The following RYR1 variants were observed in gnomAD, a reference collection of about 807,000 sequenced individuals.
RYR1 encodes the protein central core disease of muscle.
In RYR1, 342 loss-of-function variants were observed where a neutral mutation model predicts 583.5. That is an observed-to-expected ratio of 0.59 (90% CI 0.54 to 0.64). The LOEUF (loss-of-function observed/expected upper bound fraction) is 0.64. Ranked by LOEUF, RYR1 falls within the 30% of genes least tolerant of loss-of-function variation. The probability of loss-of-function intolerance (pLI) is 0.00; values close to 1 mark genes in which losing one functional copy is unlikely to be tolerated. For synonymous variants in RYR1, 2,791 were observed against 2,822.5 expected (o/e 0.99, Z 0.35); for missense variants, 6,032 against 6,917.2 (o/e 0.87, Z 4.54).
At chr19:38,551,177 G>A (rs900817638) in intron 89 of RYR1, among the ~76,000 whole-genome samples, 10 of 150,846 alleles carry the variant, frequency 6.6e-5, no homozygotes, top group African/African-American at 2.0e-4. Flanking sequence ...CTCCCAAGTC[G>A]CTGGGATTAC....
chr19:38,529,154 T>A, intron 76 of RYR1, 97 bp downstream of exon 76: 1 of 1,234,404 alleles, frequency 8.1e-7, no homozygotes, highest in Non-Finnish European at 1.2e-6. Context: ...GCCCTCCAGG[T>A]CCTGGGGGAG....
At chr19:38,443,429 G>A (rs1042571754) in intron 3 of RYR1, 129 bp from the exon 4 acceptor site, 19 of 814,252 alleles carry the variant, frequency 2.3e-5, no homozygotes, top group Non-Finnish European at 3.5e-5. Context: ...AGCTGAGGCT[G>A]TTTTACCTCT....
At chr19:38,446,113 G>A (rs1972929326) in intron 7 of RYR1, among the ~76,000 whole-genome samples, 1 of 152,000 alleles carries the variant, frequency 6.6e-6, no homozygotes, top group Admixed American at 6.6e-5. Flanking sequence ...CTAGAACTCA[G>A]ACTCCAACAC....
At chr19:38,487,994 C>T (rs1367592577) in intron 34 of RYR1, among the ~76,000 whole-genome samples, 2 of 151,924 alleles carry the variant, frequency 1.3e-5, no homozygotes. Context: ...GGGTAATGCC[C>T]AGGCTAGAAT....
chr19:38,467,215 A>G (rs994469723), intron 24 of RYR1, among the ~76,000 whole-genome samples: 1 of 152,020 alleles, frequency 6.6e-6, no homozygotes, highest in Non-Finnish European at 1.5e-5. Context: ...CTTGGCCCCA[A>G]CCTGAATTTC....
chr19:38,497,970 T>TA (rs546898242), intron 42 of RYR1, among the ~76,000 whole-genome samples: 103 of 146,404 alleles, frequency 7.0e-4, no homozygotes, highest in Non-Finnish European at 1.1e-3. Flanking sequence ...CGAGACCCCT[T>TA]AAAAAAAAAA....
chr19:38,462,422 C>T (rs1260268490), intron 20 of RYR1, among the ~76,000 whole-genome samples: 1 of 152,090 alleles, frequency 6.6e-6, no homozygotes, highest in South Asian at 2.1e-4. Flanking sequence ...TGGGCCTCAC[C>T]CTGGATGCCT....
Position 38,451,862 on chromosome 19 carries a change from T to C in RYR1, c.1221T>C (p.Asn407=). Residue 407 remains asparagine (N), a synonymous_variant, in exon 12 of 106, where the codon AAT becomes AAC. Coordinates refer to ENST00000359596, the MANE Select transcript of RYR1 (RefSeq NM_000540.3). ...CCGCCCGCATGATCCACAGCACCAA[T>C]GGCCTATACAACCAGTTCATCAAGT... ...SQAARMIHST[N]GLYNQFIKSL... is the part of the protein sequence containing the mutation. The C allele has an allele frequency of 6.2e-7, 1 of 1,614,082 alleles. No individual in the cohort carries two copies. Among genetic ancestry groups the C allele is most frequent in the East Asian group, 2.2e-5 (1 of 44,866 alleles).
chr19:38,524,208 A>T (rs1402933951), intron 70 of RYR1, among the ~76,000 whole-genome samples: 4 of 149,330 alleles, frequency 2.7e-5, no homozygotes, highest in Non-Finnish European at 5.9e-5. Context: ...AAAAAAGAAA[A>T]AAAGAGCAAC....
intron 89 of RYR1, among the ~76,000 whole-genome samples, chr19:38,549,875 TTGTGTGTGTGTGTG>T (rs150566334): frequency 0.039 from 4,794 of 122,222 alleles, 311 homozygotes; most frequent in African/African-American, 0.14. Context: ...CCAGCTAAAT[TTGTGTGTGTGTGTG>T]TGTGTGTGTG....
chr19:38,568,362 C>T (rs985087606), intron 93 of RYR1, among the ~76,000 whole-genome samples: 91 of 152,220 alleles, frequency 6.0e-4, no homozygotes, highest in African/African-American at 2.0e-3. Context: ...TCATCCAGGC[C>T]AGGAAGAAGG....
chr19:38,455,754 C>T lies in RYR1; in HGVS notation c.1791+3C>T, dbSNP rs373480020. ...ACAAGCATGGGAGGAACCACAAGGT[C>T]GGCCCCTCACCCCTGACCTCTCATC... On this transcript the variant is annotated splice_donor_region_variant and intron_variant, in intron 16 of 105. Coordinates refer to ENST00000359596, the MANE Select transcript of RYR1 (RefSeq NM_000540.3). 2.5e-6 allele frequency: 4 copies of T among 1,574,330 alleles called. No individual in the cohort carries two copies. Among genetic ancestry groups the T allele is most frequent in the East Asian group, 2.2e-5 (1 of 44,682 alleles).
chr19:38,510,849 G>T, intron 60 of RYR1, 68 bp downstream of exon 60: 2 of 1,607,304 alleles, frequency 1.2e-6, no homozygotes, highest in South Asian at 1.1e-5. Context: ...GCCCATGGAG[G>T]CTCTGTCCTG....
intron 33 of RYR1, 24 bp from the exon 34 acceptor site, chr19:38,485,564 CTG>C (rs778262078): frequency 1.2e-6 from 2 of 1,605,996 alleles, no homozygotes; most frequent in East Asian, 4.5e-5. Context: ...TCATCTGTCC[CTG>C]TCTGTTTCCC....
chr19:38,452,781 G>A (rs765454880), intron 12 of RYR1, 38 bp from the exon 13 acceptor site: 7 of 1,538,246 alleles, frequency 4.6e-6, no homozygotes. Flanking sequence ...GGCAGTTAGC[G>A]CTCCCAGCCG....
chr19:38,511,738 G>C, intron 61 of RYR1, 128 bp downstream of exon 61: 4 of 1,164,580 alleles, frequency 3.4e-6, no homozygotes, highest in Middle Eastern at 3.9e-4. Context: ...CTGGAGACAT[G>C]GACCAGGTAT....
At chr19:38,436,170 A>T in intron 1 of RYR1, among the ~76,000 whole-genome samples, 1 of 151,908 alleles carries the variant, frequency 6.6e-6, no homozygotes, top group Non-Finnish European at 1.5e-5. Flanking sequence ...TTGGCCTCCC[A>T]AGGTGCTGGG....
intron 84 of RYR1, 109 bp downstream of exon 84, chr19:38,538,069 A>C: frequency 1.0e-6 from 1 of 988,144 alleles, no homozygotes; most frequent in Non-Finnish European, 1.6e-6. Context: ...AATGATGGCC[A>C]CTCTCCAGCC....
intron 47 of RYR1, among the ~76,000 whole-genome samples, chr19:38,501,567 T>A (rs1970122610): frequency 6.6e-6 from 1 of 152,134 alleles, no homozygotes; most frequent in African/African-American, 2.4e-5. Flanking sequence ...GGAACAGCAA[T>A]AACAGAAGGG....
Sources: gnomAD v4.1 joint callset for allele counts (sites outside exome capture counted in the v4.1 genomes callset) on GRCh38, gnomAD v4.1.1 for gene constraint, MANE v1.5 for transcripts, NCBI Gene and HGNC (gene_info 2026-07-23, HGNC 2026-07-21) for gene names.